CDH18: variants seen among roughly 807,000 people sequenced by gnomAD.
The protein encoded by CDH18 is cadherin-18.
Under a neutral mutation model 67.9 loss-of-function variants are expected in CDH18, and 31 were observed. The ratio of observed to expected loss-of-function variants is 0.46; its 90% CI spans 0.34 to 0.62. The LOEUF (loss-of-function observed/expected upper bound fraction) is 0.62. CDH18 is among the 20% of genes least tolerant of loss of function. The pLI, the probability that CDH18 is intolerant of heterozygous loss-of-function variation, is 0.01. For synonymous variants in CDH18, 362 were observed against 347.2 expected, an observed-to-expected ratio of 1.04 and a Z score of -0.48; for missense variants, 890 against 975.5, an observed-to-expected ratio of 0.91 and a Z score of 1.17.
chr5:19,832,518 G>T (rs747110671), intron 3 of CDH18, among the ~76,000 whole-genome samples: 6 of 151,996 alleles, frequency 3.9e-5, no homozygotes, highest in Non-Finnish European at 7.4e-5. Context: ...CCCTTCTCAC[G>T]TTTACAGTGA....
At chr5:19,805,351 T>C (rs1161103139) in intron 3 of CDH18, among the ~76,000 whole-genome samples, 1 of 152,188 alleles carries the variant, frequency 6.6e-6, no homozygotes, top group Non-Finnish European at 1.5e-5. Flanking sequence ...CACTTCCACT[T>C]GATTCTACGC....
chr5:20,003,620 C>A (rs929629481), intron 2 of CDH18, among the ~76,000 whole-genome samples: 2 of 152,242 alleles, frequency 1.3e-5, no homozygotes, highest in South Asian at 4.1e-4. Context: ...ATAGGCCGGT[C>A]GCGGTGGCTC....
intron 5 of CDH18, among the ~76,000 whole-genome samples, chr5:19,707,193 C>T (rs1265270479): frequency 6.6e-6 from 1 of 152,042 alleles, no homozygotes; most frequent in Non-Finnish European, 1.5e-5. Context: ...CAGCATTGCT[C>T]AAGTTCATGC....
chr5:20,254,301 C>T (rs1744069653), intron 2 of CDH18, among the ~76,000 whole-genome samples: 1 of 152,000 alleles, frequency 6.6e-6, no homozygotes. Flanking sequence ...TGAGTAGAGA[C>T]AGGTTTTCAC....
In CDH18 at chr5:20,172,190, G is replaced by GTGTA. The variant is rs1342353318; in HGVS notation, c.-518+83253_-518+83254insTACA. 9.1e-3 allele frequency among the ~76,000 whole-genome samples: 213 copies of GTGTA among 23,338 alleles called. 8 individuals carry two copies. Among genetic ancestry groups the GTGTA allele is most frequent in the East Asian group, 0.033 (21 of 632 alleles). 15.3% of individuals were successfully genotyped at this position (23,338 alleles called of 152,430 possible). ...AACTTTGATATCAATAGCATTGTGT[G>GTGTA]TATATATATATATATATATATATAT... On this transcript the variant is annotated intron_variant, in intron 2 of 14. Coordinates refer to the CDH18 transcript ENST00000507958.
intron 2 of CDH18, among the ~76,000 whole-genome samples, chr5:20,149,755 C>A (rs1750952740): frequency 1.3e-5 from 2 of 152,078 alleles, no homozygotes; most frequent in Non-Finnish European, 2.9e-5. Flanking sequence ...CAAACTTTAA[C>A]CAGACTAGTA....
At chr5:20,146,587 G>A (rs1457237074) in intron 2 of CDH18, among the ~76,000 whole-genome samples, 1 of 149,050 alleles carries the variant, frequency 6.7e-6, no homozygotes, top group African/African-American at 2.5e-5. Flanking sequence ...ATAGTGTATG[G>A]CAAATCATAA....
chr5:19,713,221 A>T (rs1271191923), intron 5 of CDH18, among the ~76,000 whole-genome samples: 1 of 152,108 alleles, frequency 6.6e-6, no homozygotes, highest in Non-Finnish European at 1.5e-5. Context: ...AAGATATGCT[A>T]CAATTGACCA....
intron 2 of CDH18, among the ~76,000 whole-genome samples, chr5:20,197,356 C>A (rs543626762): frequency 1.3e-5 from 2 of 152,162 alleles, no homozygotes; most frequent in East Asian, 3.9e-4. Context: ...CTAGAATTTG[C>A]AGTAAATGAA....
intron 2 of CDH18, among the ~76,000 whole-genome samples, chr5:20,082,951 C>A (rs182697214): frequency 3.2e-4 from 49 of 152,282 alleles, no homozygotes; most frequent in Admixed American, 1.6e-3. Context: ...AACTGTGAGG[C>A]AGTAAATATT....
At chr5:19,502,023 T>C (rs1335333554) in intron 11 of CDH18, among the ~76,000 whole-genome samples, 1 of 152,200 alleles carries the variant, frequency 6.6e-6, no homozygotes, top group Non-Finnish European at 1.5e-5. Context: ...AATGTTCATA[T>C]AGATCTTTTG....
Position 20,188,880 on chromosome 5 carries a change from G to C in CDH18, c.-518+66564C>G, listed in dbSNP as rs889226923. 8.9e-5 allele frequency among the ~76,000 whole-genome samples: 13 copies of C among 145,546 alleles called. No individual in the cohort carries two copies. The Admixed American group carries it at 9.0e-4, about 10-fold the overall frequency. ...AAAAAAAAATCCACTCTCTCCAAAG[G>C]ATATATACTTTCCATTTTGAACAGG... is the stretch of plus-strand genomic sequence containing the variant. On this transcript the variant is annotated intron_variant, in intron 2 of 14. Transcript: ENST00000507958.
At chr5:19,748,651 T>G (rs2149659281) in intron 3 of CDH18, among the ~76,000 whole-genome samples, 1 of 152,270 alleles carries the variant, frequency 6.6e-6, no homozygotes, top group Non-Finnish European at 1.5e-5. Context: ...AAAACACAAC[T>G]TTGTTCACAT....
intron 1 of CDH18, among the ~76,000 whole-genome samples, chr5:20,301,170 T>G (rs1414437659): frequency 7.1e-6 from 1 of 140,838 alleles, no homozygotes; most frequent in Non-Finnish European, 1.5e-5. Context: ...GTATAGACAG[T>G]GTTTTTTTGT....
intron 2 of CDH18, among the ~76,000 whole-genome samples, chr5:20,004,357 C>T (rs946669568): frequency 1.3e-5 from 2 of 152,218 alleles, no homozygotes; most frequent in Non-Finnish European, 1.5e-5. Context: ...ACCTGTCATC[C>T]TGTATTCCTC....
At chr5:20,171,047 TTTA>T (rs1035628508) in intron 2 of CDH18, among the ~76,000 whole-genome samples, 7 of 107,420 alleles carry the variant, frequency 6.5e-5, no homozygotes, top group Non-Finnish European at 1.5e-4. Context: ...TCCTTTTTTT[TTTA>T]TATATATATA....
At chr5:20,160,579 G>GA (rs1173436849) in intron 2 of CDH18, among the ~76,000 whole-genome samples, 3 of 151,968 alleles carry the variant, frequency 2.0e-5, no homozygotes, top group Non-Finnish European at 4.4e-5. Context: ...CTCTTCACTT[G>GA]AAAAATAACA....
intron 2 of CDH18, among the ~76,000 whole-genome samples, chr5:19,913,047 C>T (rs946307064): frequency 6.6e-6 from 1 of 152,040 alleles, no homozygotes; most frequent in Non-Finnish European, 1.5e-5. Flanking sequence ...TTCTATCCAT[C>T]ACTGTGGAGA....
intron 9 of CDH18, among the ~76,000 whole-genome samples, chr5:19,528,405 T>C (rs1433933830): frequency 2.0e-5 from 3 of 151,786 alleles, no homozygotes; most frequent in East Asian, 3.9e-4. Flanking sequence ...AATCTAATTA[T>C]AATAAAAATT....
Sources: gnomAD v4.1 joint callset for allele counts (sites outside exome capture counted in the v4.1 genomes callset) on GRCh38, gnomAD v4.1.1 for gene constraint, MANE v1.5 for transcripts, NCBI Gene and HGNC (gene_info 2026-07-23, HGNC 2026-07-21) for gene names.